LZTS3: variants seen among roughly 807,000 people sequenced by gnomAD.
LZTS3 encodes leucine zipper putative tumor suppressor 3.
In LZTS3, 16 loss-of-function variants were observed where a neutral mutation model predicts 50.9. That is an observed-to-expected ratio of 0.31 (90% CI 0.21 to 0.48). LZTS3 has a LOEUF of 0.48. Among genes scored for constraint, LZTS3 ranks in the 20% least tolerant of loss-of-function variants. The pLI, the probability that LZTS3 is intolerant of heterozygous loss-of-function variation, is 0.99. For synonymous variants in LZTS3, 408 were observed against 410.6 expected (o/e 0.99, Z 0.08); for missense variants, 816 against 931.0 (o/e 0.88, Z 1.61).
Position 3,165,388 on chromosome 20 carries a change from T to C in LZTS3, c.1323+109A>G. 6 of 1,178,712 alleles carry C rather than the reference T, an allele frequency of 5.1e-6. No individual in the cohort carries two copies. Among genetic ancestry groups the C allele is most frequent in the Non-Finnish European group, 6.9e-6 (6 of 875,900 alleles). The allele number at this position is 1,178,712 out of a possible 1,614,324, so 73.0% of individuals were successfully genotyped here. On this transcript the variant is annotated intron_variant, in intron 4 of 4. Transcript: ENST00000337576. This position sits in a 1 kb window ranked among gnomAD's most constrained non-coding sequence, Gnocchi z 5.0. Reference sequence around the variant, plus strand: ...ATTGATTTTTGTCCCCCCTGCTCCTTTCATCCCCCCCCCCATCCCACCGTT... The same window carrying C: ...ATTGATTTTTGTCCCCCCTGCTCCTCTCATCCCCCCCCCCATCCCACCGTT...
chr20:3,165,056 G>T lies in LZTS3; in HGVS notation c.1420C>A (p.Arg474Ser). 1 of 1,581,082 alleles carries T rather than the reference G, an allele frequency of 6.3e-7. No homozygotes were observed. The highest frequency in any genetic ancestry group is 8.6e-7 in the Non-Finnish European group (1 of 1,164,936). ...GCCCGGCCCTCCCGCAGCTGCGAGC[G>T]CAGTCCCACGATCTCACTCAACTTC... is the stretch of plus-strand genomic sequence containing the variant. ...SQKLSEIVGL[R>S]SQLREGRASL... Residue 474 changes from arginine to serine, a missense_variant, in exon 5 of 5, where the codon CGC (arginine) becomes AGC (serine). Physicochemically the swap from Arg to Ser is moderately radical, Grantham distance 110 (BLOSUM62 -1). Around this residue, in one of 3 missense-constraint regions of LZTS3, gnomAD observed 700 missense variants for 769.4 expected, o/e 0.91. Transcript: ENST00000337576. This position sits in a 1 kb window ranked among gnomAD's most constrained non-coding sequence, Gnocchi z 5.0.
chr20:3,170,997 A>G (rs1196769426), intron 1 of LZTS3, among the ~76,000 whole-genome samples: 1 of 152,198 alleles, frequency 6.6e-6, no homozygotes, highest in Non-Finnish European at 1.5e-5. Context: ...GAAGTTGCCA[A>G]TAGTGAGATG....
chr20:3,169,454 G>A (rs2066875720), intron 1 of LZTS3, among the ~76,000 whole-genome samples: 1 of 152,236 alleles, frequency 6.6e-6, no homozygotes. Context: ...TACAGATGAG[G>A]TCAGGTGGTG....
chr20:3,166,105 C>T lies in LZTS3; in HGVS notation c.715G>A (p.Ala239Thr), dbSNP rs2066815420. The T allele has an allele frequency of 1.9e-6, 3 of 1,612,196 alleles. No homozygotes were observed. Among genetic ancestry groups the T allele is most frequent in the Non-Finnish European group, 2.5e-6 (3 of 1,178,846 alleles). The change falls in exon 4 of 5, where the codon GCA becomes ACA. Residue 239 changes from alanine to threonine, a missense_variant. Physicochemically the swap from Ala to Thr is moderately conservative, Grantham distance 58. Coordinates refer to ENST00000337576, the MANE Select transcript of LZTS3 (RefSeq NM_001365618.1). ...TYSSSYSQHL[A>T]PLSASTSHIN... ...TGGCTGGTGGAGGCACTGAGGGGTG[C>T]CAGGTGCTGGCTGTAGCTGGAGCTG... is the stretch of plus-strand genomic sequence containing the variant.
At chr20:3,173,269 C>T (rs867357373) in intron 1 of LZTS3, among the ~76,000 whole-genome samples, 186 bp downstream of exon 1, 9 of 152,232 alleles carry the variant, frequency 5.9e-5, no homozygotes, top group Middle Eastern at 3.4e-3. Flanking sequence ...CCGCCACCTC[C>T]CCCCAGGCCG....
chr20:3,165,957 G>A lies in LZTS3; in HGVS notation c.863C>T (p.Ser288Leu), dbSNP rs748819921. The change falls in exon 4 of 5, where the codon TCG (serine) becomes TTG (leucine). Residue 288 changes from serine (S) to leucine (L), a missense_variant. Coordinates refer to ENST00000337576, the MANE Select transcript of LZTS3 (RefSeq NM_001365618.1). This position sits in a 1 kb window ranked among gnomAD's most constrained non-coding sequence, Gnocchi z 5.0. ...SGRASSKSGS[S>L]SSMGRPGHLG... ...GTGGCCTGGCCGCCCCATAGATGAC[G>A]ACGACCCACTCTTGCTGGAGGCCCG... is the stretch of plus-strand genomic sequence containing the variant. The A allele has an allele frequency of 6.8e-6, 11 of 1,612,848 alleles. No individual in the cohort carries two copies. The South Asian group carries it at 7.7e-5, about 11-fold the overall frequency.
At position 3,164,689 on chromosome 20, in the gene LZTS3, G is replaced by C. The variant is rs746513729; in HGVS notation, c.1787C>G (p.Ala596Gly). Residue 596 changes from alanine to glycine, a missense_variant, in exon 5 of 5, where the codon GCC becomes GGC. By Grantham distance (60) the Ala-to-Gly change is moderately conservative (BLOSUM62 0). Transcript: ENST00000337576. ...AERRARERQG[A>G]SFAEERRVWL... ...CACGCGGCGCTCCTCGGCGAAGCTG[G>C]CACCCTGGCGCTCCCGGGCCCGCCG... 1 of 1,593,676 alleles carries C rather than the reference G, an allele frequency of 6.3e-7. No homozygotes were observed. Among genetic ancestry groups the C allele is most frequent in the Non-Finnish European group, 8.5e-7 (1 of 1,171,128 alleles).
intron 1 of LZTS3, among the ~76,000 whole-genome samples, chr20:3,168,965 TAGGTTGTTGGAAAGTTCACTACCA>T (rs2066870073): frequency 6.6e-6 from 1 of 152,200 alleles, no homozygotes; most frequent in African/African-American, 2.4e-5. Flanking sequence ...ATGAGAGCTC[TAGGTTGTTGGAAAGTTCACTACCA>T]AGCCTGTCCA....
intron 1 of LZTS3, among the ~76,000 whole-genome samples, chr20:3,168,723 G>C (rs149441004): frequency 6.3e-4 from 96 of 152,338 alleles, no homozygotes; most frequent in African/African-American, 2.3e-3. Flanking sequence ...CCTCAAATAA[G>C]TGTGTGGGAA....
In LZTS3 at chr20:3,166,210, G is replaced by C. The variant is rs760762413; in HGVS notation, c.610C>G (p.Arg204Gly). 1.2e-5 allele frequency: 19 copies of C among 1,613,748 alleles called. No homozygotes were observed. Among genetic ancestry groups the C allele is most frequent in the Admixed American group, 1.7e-5 (1 of 59,934 alleles). Residue 204 changes from arginine to glycine, a missense_variant, in exon 4 of 5, where the codon CGG (arginine) becomes GGG (glycine). Arg to Gly is a moderately radical substitution (Grantham distance 125). Coordinates refer to ENST00000337576, the MANE Select transcript of LZTS3 (RefSeq NM_001365618.1). ...GGLKGGLDKS[R>G]TMTPAGGSGS... is the part of the protein sequence containing the mutation. Reference sequence around the variant, plus strand: ...CTCCCACCCGCTGGAGTCATGGTCCGAGACTTGTCCAGTCCGCCTTTGAGG... The same window carrying C: ...CTCCCACCCGCTGGAGTCATGGTCCCAGACTTGTCCAGTCCGCCTTTGAGG...
At position 3,167,965 on chromosome 20, in the gene LZTS3, C is replaced by T. The variant is rs2066854649; in HGVS notation, c.-242-4G>A. 2 of 664,074 alleles carry T rather than the reference C, an allele frequency of 3.0e-6. No individual in the cohort carries two copies. The highest frequency in any genetic ancestry group is 3.7e-6 in the Non-Finnish European group (2 of 536,820). 41.1% of individuals were successfully genotyped at this position (664,074 alleles called of 1,614,324 possible). A position where few individuals can be genotyped will look rare whatever the true frequency, so the allele number is the denominator to read the frequency against. On this transcript the variant is annotated splice_region_variant and splice_polypyrimidine_tract_variant and intron_variant, in intron 1 of 4. Transcript: ENST00000337576. The stretch of plus-strand genomic sequence containing the variant: ...TCCCGGACTGCAGTTTTCTCCTCTG[C>T]GAAATGGGAGGAATGAAGGACCTAC...
Position 3,165,230 on chromosome 20 carries a change from G to A in LZTS3, c.1324-78C>T. 1 of 1,372,102 alleles carries A rather than the reference G, an allele frequency of 7.3e-7. No homozygotes were observed. Among genetic ancestry groups the A allele is most frequent in the Non-Finnish European group, 9.6e-7 (1 of 1,040,326 alleles). 85.0% of individuals were successfully genotyped at this position (1,372,102 alleles called of 1,614,324 possible). A position where few individuals can be genotyped will look rare whatever the true frequency, so the allele number is the denominator to read the frequency against. ...CCCCAACCCAGCTACCAGATCTGGA[G>A]CCAGGGGCACCAAGCTTCCCGGGGC... On this transcript the variant is annotated intron_variant, in intron 4 of 4. Transcript: ENST00000337576. The surrounding 1 kb of genome is among the most constrained non-coding windows in gnomAD (Gnocchi z 5.0).
At chr20:3,169,063 A>C (rs2122193705) in intron 1 of LZTS3, among the ~76,000 whole-genome samples, 1 of 143,472 alleles carries the variant, frequency 7.0e-6, no homozygotes, top group Non-Finnish European at 1.5e-5. Flanking sequence ...GCACTTCGCC[A>C]CCCTCCTCCC....
At position 3,165,398 on chromosome 20, in the gene LZTS3, C is replaced by A. The variant is rs541162517; in HGVS notation, c.1323+99G>T. The A allele has an allele frequency of 4.9e-5, 60 of 1,236,032 alleles. 2 individuals are homozygous for A. In the East Asian group the frequency reaches 1.0e-3, roughly 21 times the overall value. 76.6% of individuals were successfully genotyped at this position (1,236,032 alleles called of 1,614,324 possible). On this transcript the variant is annotated intron_variant, in intron 4 of 4. Coordinates refer to ENST00000337576, the MANE Select transcript of LZTS3 (RefSeq NM_001365618.1). The surrounding 1 kb of genome is among the most constrained non-coding windows in gnomAD (Gnocchi z 5.0). ...GTCCCCCCTGCTCCTTTCATCCCCC[C>A]CCCCATCCCACCGTTATGATAGTGA... is the stretch of plus-strand genomic sequence containing the variant.
At chr20:3,171,135 A>G (rs1268961640) in intron 1 of LZTS3, among the ~76,000 whole-genome samples, 1 of 152,118 alleles carries the variant, frequency 6.6e-6, no homozygotes, top group Non-Finnish European at 1.5e-5. Context: ...TGCTTTGTAA[A>G]CTATAAGGGG....
At chr20:3,171,104 A>G (rs2066897856) in intron 1 of LZTS3, among the ~76,000 whole-genome samples, 1 of 152,192 alleles carries the variant, frequency 6.6e-6, no homozygotes. Flanking sequence ...CTTGAGTGAC[A>G]GGGTATAATG....
chr20:3,167,502 A>G (rs775486375), intron 2 of LZTS3: 3 of 1,090,660 alleles, frequency 2.8e-6, no homozygotes, highest in Non-Finnish European at 3.3e-6. Context: ...CACCTCCGCC[A>G]TGAGCTTCCC....
intron 1 of LZTS3, among the ~76,000 whole-genome samples, chr20:3,172,950 C>CTACT (rs1276413133): frequency 6.6e-6 from 1 of 152,052 alleles, no homozygotes; most frequent in Non-Finnish European, 1.5e-5. Context: ...CATCACCTAG[C>CTACT]TACTGGCTCT....
In LZTS3 at chr20:3,164,955, C is replaced by T. The variant is rs1287536175; in HGVS notation, c.1521G>A (p.Leu507=). 1.9e-6 allele frequency: 3 copies of T among 1,555,340 alleles called. No individual in the cohort carries two copies. The highest frequency in any genetic ancestry group is 2.6e-6 in the Non-Finnish European group (3 of 1,156,444). ...AGGCGGCAGGCAGCTCGCCTTCGCC[C>T]AGCTCCAGGCTGGCCTGCTTGCTGC... ...SFSSKQASLE[L]GEGELPAACL... The change falls in exon 5 of 5, where the codon CTG becomes CTA. Residue 507 remains leucine (L), a synonymous_variant. Coordinates refer to ENST00000337576, the MANE Select transcript of LZTS3 (RefSeq NM_001365618.1).
Sources: gnomAD v4.1 joint callset for allele counts (sites outside exome capture counted in the v4.1 genomes callset) on GRCh38, gnomAD v4.1.1 for gene constraint, gnomAD v4.1.1 regional missense constraint, Gnocchi (gnomAD v3.1) non-coding constraint, MANE v1.5 for transcripts, NCBI Gene and HGNC (gene_info 2026-07-23, HGNC 2026-07-21) for gene names.